GLTP: variants seen among roughly 807,000 people sequenced by gnomAD.
GLTP encodes the protein glycolipid transfer protein.
In GLTP, 22 loss-of-function variants were observed where a neutral mutation model predicts 24.0. That is an observed-to-expected ratio of 0.92 (90% CI 0.65 to 1.31). The LOEUF is 1.31. Ranked by LOEUF, GLTP falls within the 50% of genes most tolerant of loss-of-function variation. The pLI, the probability that GLTP is intolerant of heterozygous loss-of-function variation, is 0.00. For missense variants in GLTP, 224 were observed against 276.6 expected, an observed-to-expected ratio of 0.81 and a Z score of 1.35; for synonymous variants, 92 against 115.9, an observed-to-expected ratio of 0.79 and a Z score of 1.33.
chr12:109,865,568 C>A (rs953208990), intron 1 of GLTP, among the ~76,000 whole-genome samples: 2 of 150,274 alleles, frequency 1.3e-5, no homozygotes, highest in Middle Eastern at 3.4e-3. Context: ...GCGGAGGTTA[C>A]AGTGAGTTGA....
At chr12:109,877,361 C>T (rs1868921783) in intron 1 of GLTP, among the ~76,000 whole-genome samples, 1 of 152,160 alleles carries the variant, frequency 6.6e-6, no homozygotes. Flanking sequence ...GCTCAGTTTT[C>T]CTCCAATTGA....
intron 1 of GLTP, among the ~76,000 whole-genome samples, chr12:109,873,188 T>TA (rs60876157): frequency 0.055 from 8,021 of 145,774 alleles, 376 homozygotes; most frequent in African/African-American, 0.13. Flanking sequence ...ACTTTAAATT[T>TA]AAAAAAAAAA....
Position 109,880,210 on chromosome 12 carries a change from G to C in GLTP, c.103+62C>G, listed in dbSNP as rs545922353. ...GCAGAGATGGTTAGGGGATGCTCGGGGGAAGGAGGATTCGGGTGCGCGTGG... is the reference window on the plus strand; with the variant it reads ...GCAGAGATGGTTAGGGGATGCTCGGCGGAAGGAGGATTCGGGTGCGCGTGG... On this transcript the variant is annotated intron_variant, in intron 1 of 4. Transcript: ENST00000318348. The surrounding 1 kb of genome is among the most constrained non-coding windows in gnomAD (Gnocchi z 5.1). 161 of 977,918 alleles carry C rather than the reference G, an allele frequency of 1.6e-4. 2 individuals carry two copies. The South Asian group carries it at 1.8e-3, about 11-fold the overall frequency. 60.6% of individuals were successfully genotyped at this position (977,918 alleles called of 1,614,324 possible).
intron 1 of GLTP, among the ~76,000 whole-genome samples, chr12:109,861,604 C>T (rs779522151): frequency 3.3e-5 from 5 of 152,034 alleles, no homozygotes; most frequent in Non-Finnish European, 7.4e-5. Context: ...AAAAATTAGC[C>T]GGGCGTGGTA....
chr12:109,851,850 C>CT lies in GLTP; in HGVS notation c.*704dup, dbSNP rs34365376. The CT allele has an allele frequency of 1.1e-3, 143 of 134,902 alleles. 3 individuals carry two copies. Among genetic ancestry groups the CT allele is most frequent in the Middle Eastern group, 3.9e-3 (1 of 256 alleles). 8.4% of individuals were successfully genotyped at this position (134,902 alleles called of 1,614,324 possible). Reference sequence around the variant, plus strand: ...CTGACCTCAAGTAATCCACCCACCTCTTTTTTTTTTTTTTGAGACAGAGTT... The same window carrying CT: ...CTGACCTCAAGTAATCCACCCACCTCTTTTTTTTTTTTTTTGAGACAGAGTT... On this transcript the variant is annotated 3_prime_UTR_variant, in exon 5 of 5. Coordinates refer to ENST00000318348, the MANE Select transcript of GLTP (RefSeq NM_016433.4).
intron 1 of GLTP, among the ~76,000 whole-genome samples, chr12:109,874,363 A>C (rs1276367103): frequency 6.6e-6 from 1 of 152,178 alleles, no homozygotes; most frequent in Non-Finnish European, 1.5e-5. Context: ...CTGAACCAAA[A>C]GTGATGGAAA....
intron 1 of GLTP, among the ~76,000 whole-genome samples, chr12:109,869,464 T>TC (rs1645934462): frequency 6.9e-6 from 1 of 144,952 alleles, no homozygotes; most frequent in Non-Finnish European, 1.5e-5. Context: ...TTCTTTTTTT[T>TC]TTTTTTTTTT....
rs371186443 is a variant in GLTP at position 109,853,326 on chromosome 12, A to G, written c.448-589T>C. Among the ~76,000 whole-genome samples the G allele has an allele frequency of 7.0e-4, 106 of 152,208 alleles. 2 individuals carry two copies. The South Asian group carries it at 0.022, about 31-fold the overall frequency. On this transcript the variant is annotated intron_variant, in intron 4 of 4. Coordinates refer to ENST00000318348, the MANE Select transcript of GLTP (RefSeq NM_016433.4). ...CCCTAAATTTCAGAGCTGCTCCCAT[A>G]CTTGAAAAGTACAGAGAATTCAAAA...
At chr12:109,856,272 G>A (rs1343860410) in intron 3 of GLTP, among the ~76,000 whole-genome samples, 1 of 152,190 alleles carries the variant, frequency 6.6e-6, no homozygotes, top group Non-Finnish European at 1.5e-5. Context: ...TCCTCTGCCT[G>A]AGACCTCCCT....
chr12:109,859,258 G>A (rs543528767), intron 1 of GLTP, among the ~76,000 whole-genome samples: 112 of 152,280 alleles, frequency 7.4e-4, no homozygotes, highest in African/African-American at 2.1e-3. Flanking sequence ...AGTGGCTCAC[G>A]CCTGTAATCC....
intron 1 of GLTP, chr12:109,859,973 T>G (rs779919873): frequency 3.4e-5 from 5 of 146,788 alleles, no homozygotes; most frequent in Non-Finnish European, 7.4e-5. Flanking sequence ...TTTTCATCAT[T>G]CATAACGTTT....
chr12:109,872,333 G>A (rs12230032), intron 1 of GLTP, among the ~76,000 whole-genome samples: 8,105 of 151,638 alleles, frequency 0.053, 322 homozygotes, highest in East Asian at 0.12. Flanking sequence ...GGGAAACGGA[G>A]CTGCCAAAAA....
At chr12:109,874,865 T>C (rs1200445992) in intron 1 of GLTP, among the ~76,000 whole-genome samples, 1 of 152,216 alleles carries the variant, frequency 6.6e-6, no homozygotes, top group African/African-American at 2.4e-5. Context: ...GTTCAAGGGA[T>C]TCTTCTGCCT....
At position 109,855,376 on chromosome 12, in the gene GLTP, TA is replaced by T. The variant is rs1892780741; in HGVS notation, c.447+242del. Among the ~76,000 whole-genome samples, 1 of 152,120 alleles carries T rather than the reference TA, an allele frequency of 6.6e-6. No homozygotes were observed. Among genetic ancestry groups the T allele is most frequent in the Non-Finnish European group, 1.5e-5 (1 of 68,006 alleles). The stretch of plus-strand genomic sequence containing the variant: ...ATCAGGCCTTGCAGGCCAAGGCCCC[TA>T]AAGAGAAACACCGTGGAGTAGCTAC... On this transcript the variant is annotated intron_variant, in intron 4 of 4. Coordinates refer to ENST00000318348, the MANE Select transcript of GLTP (RefSeq NM_016433.4). This position sits in a 1 kb window ranked among gnomAD's most constrained non-coding sequence, Gnocchi z 4.1.
At chr12:109,870,947 C>T (rs561658307) in intron 1 of GLTP, among the ~76,000 whole-genome samples, 3 of 152,254 alleles carry the variant, frequency 2.0e-5, no homozygotes, top group Non-Finnish European at 2.9e-5. Context: ...ATACAGTTAA[C>T]ACTCTAGCAA....
chr12:109,876,856 T>C (rs1337904299), intron 1 of GLTP, among the ~76,000 whole-genome samples: 1 of 152,178 alleles, frequency 6.6e-6, no homozygotes, highest in Non-Finnish European at 1.5e-5. Context: ...ATTTTCTTTC[T>C]TTCTTTCTTT....
intron 4 of GLTP, among the ~76,000 whole-genome samples, chr12:109,854,934 C>T (rs1892776450): frequency 6.6e-6 from 1 of 152,234 alleles, no homozygotes; most frequent in Non-Finnish European, 1.5e-5. Context: ...GTTCTCATGG[C>T]CGCCAGGGTG....
intron 4 of GLTP, 139 bp from the exon 5 acceptor site, chr12:109,852,876 A>G (rs1892745360): frequency 1.6e-6 from 1 of 614,414 alleles, no homozygotes; most frequent in Admixed American, 2.6e-5. Context: ...GTTGGAAGGG[A>G]AAGGAAAAGG....
chr12:109,857,544 G>A lies in GLTP; in HGVS notation c.278C>T (p.Ala93Val), dbSNP rs528119804. 1.3e-5 allele frequency: 21 copies of A among 1,613,394 alleles called. No individual in the cohort carries two copies. The highest frequency in any genetic ancestry group is 8.9e-5 in the East Asian group (4 of 44,890). ...AEWPKVGATL[A>V]LMWLKRGLRF... ...CCATCACCTTTTCAGCCACATCAGC[G>A]CCAGTGTGGCCCCTACTTTGGGCCA... is the stretch of plus-strand genomic sequence containing the variant. Residue 93 changes from alanine to valine, a missense_variant, in exon 3 of 5, where the codon GCG (alanine) becomes GTG (valine). Physicochemically the swap from Ala to Val is moderately conservative, Grantham distance 64. Transcript: ENST00000318348. The surrounding 1 kb of genome is among the most constrained non-coding windows in gnomAD (Gnocchi z 4.3).
Sources: allele counts gnomAD v4.1 joint callset (sites outside exome capture counted in the v4.1 genomes callset), GRCh38; gene constraint gnomAD v4.1.1; non-coding constraint Gnocchi (gnomAD v3.1); transcripts MANE v1.5; gene names NCBI Gene and HGNC (gene_info 2026-07-23, HGNC 2026-07-21).